The following THSD4 variants were observed in gnomAD, a reference collection of about 807,000 sequenced individuals.
The protein encoded by THSD4 is thrombospondin type-1 domain-containing protein 4.
A neutral mutation model predicts 119.0 loss-of-function variants in THSD4; 69 were observed. The ratio of observed to expected loss-of-function variants is 0.58; its 90% confidence interval spans 0.48 to 0.71. THSD4 has a LOEUF of 0.71. Ranked by LOEUF, THSD4 falls within the 30% of genes least tolerant of loss-of-function variation. The pLI is 0.00. For missense variants in THSD4, 1,393 were observed against 1,391.1 expected (o/e 1.00, Z -0.02); for synonymous variants, 524 against 540.4 (o/e 0.97, Z 0.42).
rs190901955 is a variant in THSD4, at chr15:71,618,688, C to T, written c.1153-41842C>T. Among the ~76,000 whole-genome samples, 26 of 152,052 alleles carry T rather than the reference C, an allele frequency of 1.7e-4. No homozygotes were observed. The East Asian group carries it at 4.9e-3, about 28-fold the overall frequency. On this transcript the variant is annotated intron_variant, in intron 7 of 17. Coordinates refer to ENST00000261862, the MANE Select transcript of THSD4 (RefSeq NM_024817.3). The stretch of plus-strand genomic sequence containing the variant: ...TCCTGGGCTCAGGTGATCCTCCAAC[C>T]GCAGCCTCCTGAGTAGCTGGGACCA...
chr15:71,606,335 T>C (rs2050109331), intron 7 of THSD4, among the ~76,000 whole-genome samples: 2 of 152,222 alleles, frequency 1.3e-5, no homozygotes, highest in South Asian at 4.1e-4. Context: ...TATTATTTTC[T>C]GTTGTTGGTG....
intron 3 of THSD4, among the ~76,000 whole-genome samples, chr15:71,199,767 G>A (rs1246259744): frequency 4.8e-5 from 7 of 147,122 alleles, no homozygotes; most frequent in South Asian, 2.2e-4. Context: ...GATGTGTGTG[G>A]TGTGTGTGGT....
chr15:71,364,545 A>G (rs1442277948), intron 6 of THSD4, among the ~76,000 whole-genome samples: 2 of 152,208 alleles, frequency 1.3e-5, no homozygotes, highest in Non-Finnish European at 2.9e-5. Context: ...AAAAACTAGC[A>G]GGTCGTGGTT....
At chr15:71,442,660 G>GTGTGTGTGTATATATA in intron 7 of THSD4, among the ~76,000 whole-genome samples, 2 of 25,828 alleles carry the variant, frequency 7.7e-5, no homozygotes, top group African/African-American at 2.2e-4. Flanking sequence ...GTGTGTGTGT[G>GTGTGTGTGTATATATA]TATATATATA....
intron 7 of THSD4, among the ~76,000 whole-genome samples, chr15:71,622,583 C>T (rs779678583): frequency 1.1e-4 from 16 of 152,146 alleles, no homozygotes; most frequent in Non-Finnish European, 1.8e-4. Flanking sequence ...TCACTTTTCT[C>T]TAACATGTTC....
intron 6 of THSD4, among the ~76,000 whole-genome samples, chr15:71,287,556 G>A (rs2044733323): frequency 1.3e-5 from 2 of 152,216 alleles, no homozygotes; most frequent in Non-Finnish European, 2.9e-5. Context: ...TTCACGTGGT[G>A]AAGAGAACGA....
chr15:71,159,837 T>C (rs2043234813), intron 3 of THSD4, among the ~76,000 whole-genome samples: 1 of 152,088 alleles, frequency 6.6e-6, no homozygotes, highest in South Asian at 2.1e-4. Flanking sequence ...GTGGTGAAAG[T>C]GGGCATCCTT....
At chr15:71,653,107 C>A (rs1404316781) in intron 7 of THSD4, among the ~76,000 whole-genome samples, 1 of 152,190 alleles carries the variant, frequency 6.6e-6, no homozygotes, top group Admixed American at 6.5e-5. Flanking sequence ...GCTGCTCTTT[C>A]ATTCAACAAA....
intron 6 of THSD4, among the ~76,000 whole-genome samples, chr15:71,397,206 A>T (rs74246962): frequency 6.6e-6 from 1 of 152,076 alleles, no homozygotes; most frequent in Non-Finnish European, 1.5e-5. Flanking sequence ...CTTTGGATAT[A>T]TCTCTGCCTG....
At chr15:71,601,497 C>T (rs559714070) in intron 7 of THSD4, among the ~76,000 whole-genome samples, 1 of 152,176 alleles carries the variant, frequency 6.6e-6, no homozygotes, top group South Asian at 2.1e-4. Context: ...ATGGGCCTGC[C>T]AAGACTCTGC....
At chr15:71,337,187 G>A (rs1176003436) in intron 6 of THSD4, among the ~76,000 whole-genome samples, 2 of 152,188 alleles carry the variant, frequency 1.3e-5, no homozygotes, top group African/African-American at 2.4e-5. Context: ...ACATGAAGTG[G>A]TCATTTTCCA....
intron 1 of THSD4, among the ~76,000 whole-genome samples, chr15:71,121,592 C>T (rs903332023): frequency 6.6e-6 from 1 of 152,146 alleles, no homozygotes; most frequent in African/African-American, 2.4e-5. Context: ...CCTTTGATGA[C>T]ATTACCCTGC....
intron 6 of THSD4, among the ~76,000 whole-genome samples, chr15:71,369,771 G>T (rs1201153832): frequency 2.0e-5 from 3 of 152,142 alleles, no homozygotes; most frequent in Admixed American, 1.3e-4. Flanking sequence ...TCAGGCTTTG[G>T]TATCGGGATG....
intron 7 of THSD4, among the ~76,000 whole-genome samples, chr15:71,413,772 C>T (rs532587147): frequency 3.3e-5 from 5 of 152,338 alleles, no homozygotes; most frequent in African/African-American, 1.2e-4. Flanking sequence ...TCATGGGAAA[C>T]ATCATAGCCT....
chr15:71,426,779 TTA>T (rs1290188482), intron 7 of THSD4, among the ~76,000 whole-genome samples: 1 of 152,204 alleles, frequency 6.6e-6, no homozygotes, highest in Non-Finnish European at 1.5e-5. Flanking sequence ...ATTTATCATA[TTA>T]TGTTATAGTT....
intron 8 of THSD4, among the ~76,000 whole-genome samples, chr15:71,699,058 A>ATT (rs2052228808): frequency 6.6e-6 from 1 of 152,224 alleles, no homozygotes; most frequent in Non-Finnish European, 1.5e-5. Flanking sequence ...TTAAAAGAGT[A>ATT]GACCTTATTT....
At chr15:71,697,620 T>C (rs1311126242) in intron 8 of THSD4, among the ~76,000 whole-genome samples, 1 of 152,178 alleles carries the variant, frequency 6.6e-6, no homozygotes, top group Non-Finnish European at 1.5e-5. Flanking sequence ...ATGGACATCA[T>C]AGAAAAGAAA....
At chr15:71,168,867 A>G (rs2043322627) in intron 3 of THSD4, among the ~76,000 whole-genome samples, 2 of 152,234 alleles carry the variant, frequency 1.3e-5, no homozygotes, top group Non-Finnish European at 2.9e-5. Context: ...TAATGCTCCT[A>G]GAGGAAAACA....
chr15:71,480,930 A>G (rs1232552713), intron 7 of THSD4, among the ~76,000 whole-genome samples: 1 of 152,216 alleles, frequency 6.6e-6, no homozygotes, highest in East Asian at 1.9e-4. Flanking sequence ...TGCAGTTTAC[A>G]TACCTGATTG....
Sources: gnomAD v4.1 joint callset for allele counts (sites outside exome capture counted in the v4.1 genomes callset) on GRCh38, gnomAD v4.1.1 for gene constraint, MANE v1.5 for transcripts, NCBI Gene and HGNC (gene_info 2026-07-23, HGNC 2026-07-21) for gene names.